CAPZA1: variants seen among roughly 807,000 people sequenced by gnomAD.
CAPZA1 encodes the protein capping actin protein of muscle Z-line subunit alpha 1.
A neutral mutation model predicts 40.8 loss-of-function variants in CAPZA1; 10 were observed. The observed-to-expected ratio is 0.25, with a 90% CI of 0.15 to 0.42. The LOEUF is 0.42. Among genes scored for constraint, CAPZA1 ranks in the 10% least tolerant of loss-of-function variants. The pLI is 1.00. For synonymous variants in CAPZA1, 98 were observed against 115.0 expected (o/e 0.85, Z 0.95); for missense variants, 277 against 353.8 (o/e 0.78, Z 1.74).
At chr1:112,647,837 A>G (rs1671311641) in intron 2 of CAPZA1, among the ~76,000 whole-genome samples, 1 of 152,218 alleles carries the variant, frequency 6.6e-6, no homozygotes, top group African/African-American at 2.4e-5. Flanking sequence ...AATTAAATAC[A>G]TTTACAACTT....
chr1:112,643,081 G>A (rs1039844291), intron 1 of CAPZA1, among the ~76,000 whole-genome samples: 1 of 123,468 alleles, frequency 8.1e-6, no homozygotes, highest in Non-Finnish European at 1.7e-5. Flanking sequence ...CCACAGATTT[G>A]TCACAAATAG....
At chr1:112,669,199 TTGA>T (rs1392774921) in intron 8 of CAPZA1, among the ~76,000 whole-genome samples, 2 of 152,244 alleles carry the variant, frequency 1.3e-5, no homozygotes, top group Non-Finnish European at 2.9e-5. Context: ...GTTTCAAGAC[TTGA>T]TGATGTCTTT....
chr1:112,621,835 C>A (rs1287612492), intron 1 of CAPZA1, among the ~76,000 whole-genome samples: 1 of 143,428 alleles, frequency 7.0e-6, no homozygotes, highest in African/African-American at 2.6e-5. Flanking sequence ...GATCTCCGCT[C>A]GCTGCAACCT....
intron 1 of CAPZA1, among the ~76,000 whole-genome samples, chr1:112,621,288 AT>A (rs58049077): frequency 0.26 from 38,359 of 148,288 alleles, 5,033 homozygotes; most frequent in East Asian, 0.5. Context: ...CAACTAAACA[AT>A]TTTTTTTTTT....
At chr1:112,657,929 C>G (rs1485226111) in intron 5 of CAPZA1, among the ~76,000 whole-genome samples, 1 of 151,958 alleles carries the variant, frequency 6.6e-6, no homozygotes. Flanking sequence ...TTCTTTTTTT[C>G]CCCTACCTTT....
At chr1:112,635,389 T>C (rs1025701671) in intron 1 of CAPZA1, among the ~76,000 whole-genome samples, 3 of 152,090 alleles carry the variant, frequency 2.0e-5, no homozygotes, top group South Asian at 4.1e-4. Context: ...TATACAAAAC[T>C]GGGGTGGTAT....
intron 3 of CAPZA1, among the ~76,000 whole-genome samples, chr1:112,652,561 A>G (rs1557734535): frequency 6.6e-6 from 1 of 151,300 alleles, no homozygotes; most frequent in South Asian, 2.1e-4. Flanking sequence ...GCCTAGTTTT[A>G]ACCACTGCTT....
intron 1 of CAPZA1, among the ~76,000 whole-genome samples, chr1:112,625,279 T>G (rs1432587577): frequency 1.3e-5 from 2 of 152,090 alleles, no homozygotes; most frequent in Non-Finnish European, 2.9e-5. Flanking sequence ...TGCAAAGCCT[T>G]ATGGTTACCA....
Position 112,659,574 on chromosome 1 carries a change from TTCTCTC to T in CAPZA1, c.507-119_507-114del, listed in dbSNP as rs113906793. On this transcript the variant is annotated intron_variant, in intron 6 of 9. Coordinates refer to ENST00000263168, the MANE Select transcript of CAPZA1 (RefSeq NM_006135.3). ...GGTTTGCCAAACTGGAAATGACAGTTTCTCTCTCTCTCTTTTTTTTTTTCTTTTTTT... is the reference window on the plus strand; with the variant it reads ...GGTTTGCCAAACTGGAAATGACAGTTTCTCTCTTTTTTTTTTTCTTTTTTT... 8.0e-3 allele frequency: 5,035 copies of T among 627,874 alleles called. 1 individual carries two copies. The highest frequency in any genetic ancestry group is 0.021 in the East Asian group (616 of 28,678). 38.9% of individuals were successfully genotyped at this position (627,874 alleles called of 1,614,324 possible). A position where few individuals can be genotyped will look rare whatever the true frequency, so the allele number is the denominator to read the frequency against.
intron 2 of CAPZA1, among the ~76,000 whole-genome samples, chr1:112,649,037 C>T (rs575712505): frequency 2.5e-4 from 38 of 151,988 alleles, no homozygotes; most frequent in South Asian, 1.0e-3. Context: ...ATTAGATTCT[C>T]CAAGGTTAAG....
intron 7 of CAPZA1, among the ~76,000 whole-genome samples, chr1:112,665,685 G>GT (rs2101190978): frequency 6.6e-6 from 1 of 152,264 alleles, no homozygotes; most frequent in African/African-American, 2.4e-5. Context: ...TCCTCATGAG[G>GT]TAGAAGAGTG....
chr1:112,647,347 C>T (rs1369275923), intron 2 of CAPZA1, 74 bp downstream of exon 2: 2 of 784,052 alleles, frequency 2.6e-6, no homozygotes, highest in Non-Finnish European at 3.9e-6. Context: ...TGTTTTAATT[C>T]TTACGACTTG....
intron 7 of CAPZA1, among the ~76,000 whole-genome samples, chr1:112,661,725 C>T (rs181991126): frequency 1.1e-3 from 164 of 152,246 alleles, no homozygotes; most frequent in African/African-American, 3.5e-3. Flanking sequence ...TGGAAACAGC[C>T]ATTTGTATTT....
intron 7 of CAPZA1, 125 bp from the exon 8 acceptor site, chr1:112,666,946 AATT>A (rs1379161469): frequency 1.6e-6 from 1 of 609,852 alleles, no homozygotes; most frequent in Non-Finnish European, 2.9e-6. Context: ...TGCTTATATT[AATT>A]ATTTGTTCAG....
intron 5 of CAPZA1, among the ~76,000 whole-genome samples, chr1:112,656,466 TAA>T (rs1671502806): frequency 9.0e-4 from 85 of 94,316 alleles, no homozygotes; most frequent in African/African-American, 1.5e-3. Context: ...TTTTTTTTTT[TAA>T]TGAGAATACC....
At chr1:112,622,103 T>A (rs577663636) in intron 1 of CAPZA1, among the ~76,000 whole-genome samples, 1 of 152,180 alleles carries the variant, frequency 6.6e-6, no homozygotes, top group Non-Finnish European at 1.5e-5. Flanking sequence ...CAGTTTCCTC[T>A]TCTAGCATAC....
chr1:112,640,205 G>T (rs1177546903), intron 1 of CAPZA1, among the ~76,000 whole-genome samples: 2 of 107,868 alleles, frequency 1.9e-5, no homozygotes, highest in Non-Finnish European at 3.9e-5. Context: ...TCAGCCCCCC[G>T]CCCGGCCAGC....
At chr1:112,650,419 C>T (rs1424072763) in intron 3 of CAPZA1, among the ~76,000 whole-genome samples, 2 of 152,146 alleles carry the variant, frequency 1.3e-5, no homozygotes, top group Non-Finnish European at 2.9e-5. Flanking sequence ...CCTAATTATA[C>T]ATTGATTTAA....
chr1:112,660,178 G>A (rs1302616502), intron 7 of CAPZA1, among the ~76,000 whole-genome samples: 1 of 151,918 alleles, frequency 6.6e-6, no homozygotes, highest in Non-Finnish European at 1.5e-5. Flanking sequence ...TCCCAGCCCA[G>A]GCTGGGTTAA....
Sources: gnomAD v4.1 joint callset for allele counts (sites outside exome capture counted in the v4.1 genomes callset) on GRCh38, gnomAD v4.1.1 for gene constraint, MANE v1.5 for transcripts, NCBI Gene and HGNC (gene_info 2026-07-23, HGNC 2026-07-21) for gene names.